SLC29A1: variants seen among roughly 807,000 people sequenced by gnomAD.
SLC29A1 encodes the protein equilibrative nucleoside transporter 1.
SLC29A1 carries 22 observed loss-of-function variants against 48.3 expected under a neutral mutation model. The observed-to-expected ratio is 0.46, with a 90% CI of 0.33 to 0.65. The LOEUF (loss-of-function observed/expected upper bound fraction) is 0.65, where lower values mean the gene tolerates loss of function less well. SLC29A1 is among the 30% of genes least tolerant of loss of function. SLC29A1 has a pLI of 0.03. For synonymous variants in SLC29A1, 228 were observed against 231.0 expected (o/e 0.99, Z 0.12); for missense variants, 491 against 575.3 (o/e 0.85, Z 1.50).
At position 44,231,288 on chromosome 6, in the gene SLC29A1, C is replaced by T. The variant is rs116053613; in HGVS notation, c.767-76C>T. The T allele has an allele frequency of 3.1e-3, 2,948 of 964,094 alleles. 56 individuals carry two copies. In the African/African-American group the frequency reaches 0.043, roughly 14 times the overall value. 59.7% of individuals were successfully genotyped at this position (964,094 alleles called of 1,614,324 possible). Reference sequence around the variant, plus strand: ...GGCGTCTACTTTCAAGTAATCCCAGCCGTTTTGGGGAATGTTTATGTTGTC... The same window carrying T: ...GGCGTCTACTTTCAAGTAATCCCAGTCGTTTTGGGGAATGTTTATGTTGTC... On this transcript the variant is annotated intron_variant, in intron 8 of 12. Coordinates refer to ENST00000371755, the MANE Select transcript of SLC29A1 (RefSeq NM_001372327.1).
At position 44,233,627 on chromosome 6, in the gene SLC29A1, TCTAA is replaced by T. The variant is rs1225390663; in HGVS notation, c.*102_*105del. The T allele has an allele frequency of 2.1e-6, 2 of 939,530 alleles. No individual in the cohort carries two copies. Among genetic ancestry groups the T allele is most frequent in the Admixed American group, 3.8e-5 (2 of 52,594 alleles). The allele number at this position is 939,530 out of a possible 1,614,324, so 58.2% of individuals were successfully genotyped here. A position where few individuals can be genotyped will look rare whatever the true frequency, so the allele number is the denominator to read the frequency against. ...CCTGAGTGGTCTGGCGGTTTTTTCT[TCTAA>T]CTGACTTCTGCTTTCCACGGCGTGT... is the stretch of plus-strand genomic sequence containing the variant. On this transcript the variant is annotated 3_prime_UTR_variant, in exon 13 of 13. Transcript: ENST00000371755.
At chr6:44,224,811 GT>G (rs781745259) in intron 1 of SLC29A1, among the ~76,000 whole-genome samples, 5 of 152,188 alleles carry the variant, frequency 3.3e-5, no homozygotes, top group Admixed American at 6.5e-5. Context: ...CCAAGGCATA[GT>G]TGGAGGGACA....
In SLC29A1 at chr6:44,232,084, C is replaced by T. The variant is rs967109469; in HGVS notation, c.951C>T (p.Ser317=). ...FPAVTVEVKS[S]IAGSSTWERY... ...CCGTGACTGTTGAGGTCAAGTCCAG[C>T]ATCGCAGGCAGCAGCACCTGGGGTG... is the stretch of plus-strand genomic sequence containing the variant. The change falls in exon 10 of 13, where the codon AGC becomes AGT. Residue 317 remains serine, a synonymous_variant. Transcript: ENST00000371755. This position sits in a 1 kb window ranked among gnomAD's most constrained non-coding sequence, Gnocchi z 4.7. The T allele has an allele frequency of 1.9e-6, 3 of 1,613,694 alleles. No homozygotes were observed. Among genetic ancestry groups the T allele is most frequent in the Non-Finnish European group, 2.5e-6 (3 of 1,179,598 alleles).
chr6:44,230,238 A>C (rs1486995250), intron 5 of SLC29A1, 109 bp from the exon 6 acceptor site: 7 of 1,528,964 alleles, frequency 4.6e-6, no homozygotes, highest in Middle Eastern at 2.3e-4. Context: ...AGGGCAGCTC[A>C]GCCTCAAGGC....
Position 44,233,562 on chromosome 6 carries a change from C to T in SLC29A1, c.*34C>T. 3.9e-6 allele frequency: 6 copies of T among 1,524,134 alleles called. No individual in the cohort carries two copies. The highest frequency in any genetic ancestry group is 3.4e-5 in the South Asian group (3 of 89,264). The allele number at this position is 1,524,134 out of a possible 1,614,324, so 94.4% of individuals were successfully genotyped here. ...GGACAGAAGGACTGCCTGCCTCCCT[C>T]CCTGTCTGCCTCCTGCCCCTTCCTT... On this transcript the variant is annotated 3_prime_UTR_variant, in exon 13 of 13. Transcript: ENST00000371755.
Position 44,232,845 on chromosome 6 carries a change from G to C in SLC29A1, c.1098G>C (p.Leu366=), listed in dbSNP as rs1278294280. 1 of 1,613,460 alleles carries C rather than the reference G, an allele frequency of 6.2e-7. No individual in the cohort carries two copies. The highest frequency in any genetic ancestry group is 2.2e-5 in the East Asian group (1 of 44,886). Residue 366 remains leucine (L), a synonymous_variant, in exon 12 of 13, where the codon CTG becomes CTC. Transcript: ENST00000371755. This position sits in a 1 kb window ranked among gnomAD's most constrained non-coding sequence, Gnocchi z 4.7. ...GCCGCTGGCTGCCAAGCCTGGTGCT[G>C]GCCCGGCTGGTGTTTGTGCCACTGC... ...KDSRWLPSLV[L]ARLVFVPLLL...
Position 44,230,033 on chromosome 6 carries a change from C to T in SLC29A1, c.441C>T (p.Ile147=), listed in dbSNP as rs756609925. Reference sequence around the variant, plus strand: ...TCTTTGTCATCACCATGATCAAGATCGTGCTCATTAATTGTAAGCTGGGCC... The same window carrying T: ...TCTTTGTCATCACCATGATCAAGATTGTGCTCATTAATTGTAAGCTGGGCC... ...LPFFVITMIK[I]VLINSFGAIL... is the part of the protein sequence containing the mutation. Residue 147 remains isoleucine, a synonymous_variant, in exon 5 of 13, where the codon ATC becomes ATT. Transcript: ENST00000371755. 32 of 1,607,780 alleles carry T rather than the reference C, an allele frequency of 2.0e-5. No individual in the cohort carries two copies. Among genetic ancestry groups the T allele is most frequent in the African/African-American group, 4.0e-5 (3 of 74,920 alleles).
chr6:44,225,971 A>G (rs1777442331), intron 1 of SLC29A1: 2 of 235,410 alleles, frequency 8.5e-6, no homozygotes, highest in Non-Finnish European at 1.4e-5. Flanking sequence ...TTTGCTTGCA[A>G]GGCTTCTCAG....
intron 9 of SLC29A1, among the ~76,000 whole-genome samples, 187 bp downstream of exon 9, chr6:44,231,648 GAC>G (rs1383716149): frequency 6.6e-6 from 1 of 152,020 alleles, no homozygotes; most frequent in Non-Finnish European, 1.5e-5. Flanking sequence ...TTTTTTTTGA[GAC>G]AGAGTTTCAC....
chr6:44,222,723 T>G (rs1030112441), upstream of SLC29A1, among the ~76,000 whole-genome samples: 1 of 151,890 alleles, frequency 6.6e-6, no homozygotes, highest in African/African-American at 2.4e-5. Flanking sequence ...CACACCTTCC[T>G]CCTTAGCTAG....
Position 44,233,632 on chromosome 6 carries a change from C to A in SLC29A1, c.*104C>A. ...GTGGTCTGGCGGTTTTTTCTTCTAA[C>A]TGACTTCTGCTTTCCACGGCGTGTG... On this transcript the variant is annotated 3_prime_UTR_variant, in exon 13 of 13. Transcript: ENST00000371755. The A allele has an allele frequency of 2.3e-6, 2 of 881,548 alleles. No homozygotes were observed. The highest frequency in any genetic ancestry group is 1.6e-5 in the African/African-American group (1 of 60,802). The allele number at this position is 881,548 out of a possible 1,614,324, so 54.6% of individuals were successfully genotyped here.
rs1347875518 is a variant in SLC29A1 at position 44,223,597 on chromosome 6, C to T, written c.-96C>T. ...CCCCGGCGGGAGAGGGAAGCTGCAG[C>T]GAGAGCGCGCGGATCTCAGCGCGGG... On this transcript the variant is annotated 5_prime_UTR_variant, in exon 1 of 13. Transcript: ENST00000371755. This position sits in a 1 kb window ranked among gnomAD's most constrained non-coding sequence, Gnocchi z 5.0. 4 of 1,214,046 alleles carry T rather than the reference C, an allele frequency of 3.3e-6. No individual in the cohort carries two copies. The highest frequency in any genetic ancestry group is 4.2e-6 in the Non-Finnish European group (4 of 951,832). 75.2% of individuals were successfully genotyped at this position (1,214,046 alleles called of 1,614,324 possible).
intron 2 of SLC29A1, among the ~76,000 whole-genome samples, chr6:44,228,777 C>T (rs994291778): frequency 2.0e-5 from 3 of 152,224 alleles, no homozygotes; most frequent in Non-Finnish European, 4.4e-5. Context: ...CTCCAGTGGC[C>T]CCATACCTCC....
At position 44,229,717 on chromosome 6, in the gene SLC29A1, C is replaced by T. The variant is rs138261151; in HGVS notation, c.240C>T (p.Phe80=). The change falls in exon 4 of 13, where the codon TTC becomes TTT. Residue 80 remains phenylalanine (F), a synonymous_variant. Coordinates refer to ENST00000371755, the MANE Select transcript of SLC29A1 (RefSeq NM_001372327.1). This position sits in a 1 kb window ranked among gnomAD's most constrained non-coding sequence, Gnocchi z 5.1. ...AGCGGAACTCTCTCAGTGCCATCTT[C>T]AACAATGTCATGACCCTATGTGCCA... The part of the protein sequence containing the change: ...LPERNSLSAI[F]NNVMTLCAML... The T allele has an allele frequency of 4.3e-6, 7 of 1,614,002 alleles. No homozygotes were observed. Among genetic ancestry groups the T allele is most frequent in the South Asian group, 3.3e-5 (3 of 91,084 alleles).
intron 9 of SLC29A1, 141 bp downstream of exon 9, chr6:44,231,602 C>A (rs1582959466): frequency 1.6e-6 from 1 of 643,926 alleles, no homozygotes; most frequent in African/African-American, 1.8e-5. Context: ...CGTGCGTGCC[C>A]ATGCGTGCGT....
intron 2 of SLC29A1, among the ~76,000 whole-genome samples, chr6:44,228,453 C>T (rs558821301): frequency 6.6e-6 from 1 of 152,358 alleles, no homozygotes; most frequent in East Asian, 1.9e-4. Flanking sequence ...GACCTGCTCA[C>T]GTGGTGTGCT....
intron 1 of SLC29A1, among the ~76,000 whole-genome samples, chr6:44,226,327 G>A (rs1488282186): frequency 6.6e-6 from 1 of 152,220 alleles, no homozygotes; most frequent in East Asian, 1.9e-4. Flanking sequence ...GGTGCCAGGG[G>A]GTCTCCCCCT....
chr6:44,231,371 G>A lies in SLC29A1; in HGVS notation c.774G>A (p.Glu258=), dbSNP rs1315727508. ...TKLDLISKGE[E]PRAGKEESGV... Reference sequence around the variant, plus strand: ...ATTTCTTCCATCCCGCAGGAGAGGAGCCAAGAGCAGGCAAAGAGGAATCTG... The same window carrying A: ...ATTTCTTCCATCCCGCAGGAGAGGAACCAAGAGCAGGCAAAGAGGAATCTG... The change falls in exon 9 of 13, where the codon GAG becomes GAA. Residue 258 remains glutamate (E), a synonymous_variant. Coordinates refer to ENST00000371755, the MANE Select transcript of SLC29A1 (RefSeq NM_001372327.1). 4.4e-6 allele frequency: 7 copies of A among 1,595,292 alleles called. No individual in the cohort carries two copies. Among genetic ancestry groups the A allele is most frequent in the Non-Finnish European group, 5.1e-6 (6 of 1,167,308 alleles).
Position 44,223,622 on chromosome 6 carries a change from G to A in SLC29A1, c.-71G>A. ...CGAGAGCGCGCGGATCTCAGCGCGGGAGCAGTGCTTCTGCGGCAGGTGCTG... is the reference window on the plus strand; with the variant it reads ...CGAGAGCGCGCGGATCTCAGCGCGGAAGCAGTGCTTCTGCGGCAGGTGCTG... On this transcript the variant is annotated 5_prime_UTR_variant, in exon 1 of 13. Transcript: ENST00000371755. The surrounding 1 kb of genome is among the most constrained non-coding windows in gnomAD (Gnocchi z 5.0). The A allele has an allele frequency of 2.5e-6, 3 of 1,212,988 alleles. No individual in the cohort carries two copies. The highest frequency in any genetic ancestry group is 3.2e-6 in the Non-Finnish European group (3 of 950,936). The allele number at this position is 1,212,988 out of a possible 1,614,324, so 75.1% of individuals were successfully genotyped here.
Sources: allele counts gnomAD v4.1 joint callset (sites outside exome capture counted in the v4.1 genomes callset), GRCh38; gene constraint gnomAD v4.1.1; non-coding constraint Gnocchi (gnomAD v3.1); transcripts MANE v1.5; gene names NCBI Gene and HGNC (gene_info 2026-07-23, HGNC 2026-07-21).